Variants in EIF2B3 observed in about 807,000 individuals in gnomAD.
EIF2B3 encodes the protein eukaryotic translation initiation factor 2B subunit gamma.
Under a neutral mutation model 54.1 loss-of-function variants are expected in EIF2B3, and 20 were observed. The observed-to-expected ratio is 0.37, with a 90% CI of 0.26 to 0.54. EIF2B3 has a LOEUF of 0.54. Ranked by LOEUF, EIF2B3 falls within the 20% of genes least tolerant of loss-of-function variation. The pLI, the probability that EIF2B3 is intolerant of heterozygous loss-of-function variation, is 0.86. For synonymous variants in EIF2B3, 153 were observed against 188.1 expected (o/e 0.81, Z 1.52); for missense variants, 448 against 547.8 (o/e 0.82, Z 1.82).
chr1:44,917,906 TGGGACTACA>T (rs1643659180), intron 5 of EIF2B3, among the ~76,000 whole-genome samples: 2 of 150,304 alleles, frequency 1.3e-5, no homozygotes, highest in African/African-American at 4.9e-5. Context: ...CCTGAGTAGC[TGGGACTACA>T]GGCGCCTGCC....
chr1:44,934,366 C>G (rs1027910872), intron 4 of EIF2B3, among the ~76,000 whole-genome samples: 3 of 152,028 alleles, frequency 2.0e-5, no homozygotes, highest in African/African-American at 7.2e-5. Context: ...CCACTGCGAT[C>G]TAGCCTGGGT....
intron 11 of EIF2B3, 136 bp from the exon 12 acceptor site, chr1:44,851,139 A>G: frequency 1.3e-6 from 1 of 792,608 alleles, no homozygotes; most frequent in Non-Finnish European, 2.1e-6. Flanking sequence ...ATCTCGGCTT[A>G]CTGCAACCTC....
chr1:44,957,624 GGTGGCAT>G (rs1447014907), intron 3 of EIF2B3, among the ~76,000 whole-genome samples: 3 of 152,064 alleles, frequency 2.0e-5, no homozygotes, highest in African/African-American at 7.2e-5. Flanking sequence ...AGCTGGGCGT[GGTGGCAT>G]GTGCCTGTAA....
At chr1:44,924,311 C>G (rs1427555679) in intron 5 of EIF2B3, among the ~76,000 whole-genome samples, 3 of 152,070 alleles carry the variant, frequency 2.0e-5, no homozygotes, top group African/African-American at 7.2e-5. Flanking sequence ...TCCTCTTTGT[C>G]AATAATTTGA....
chr1:44,871,089 C>T (rs557830980), intron 10 of EIF2B3, among the ~76,000 whole-genome samples: 1 of 152,328 alleles, frequency 6.6e-6, no homozygotes, highest in South Asian at 2.1e-4. Flanking sequence ...ATACTCTTCC[C>T]ATCTCCCAGC....
At chr1:44,902,300 C>T (rs1048172866) in intron 5 of EIF2B3, among the ~76,000 whole-genome samples, 4 of 151,966 alleles carry the variant, frequency 2.6e-5, no homozygotes. Flanking sequence ...CTTTGTATTT[C>T]CATATAACTT....
At chr1:44,906,731 C>T (rs1643419794) in intron 5 of EIF2B3, among the ~76,000 whole-genome samples, 1 of 152,222 alleles carries the variant, frequency 6.6e-6, no homozygotes, top group East Asian at 1.9e-4. Flanking sequence ...CTAGCTCAGA[C>T]ATTCCCCACC....
intron 4 of EIF2B3, among the ~76,000 whole-genome samples, chr1:44,932,735 TAAAAC>T (rs112856646): frequency 0.14 from 20,973 of 151,682 alleles, 1,620 homozygotes; most frequent in Non-Finnish European, 0.17. Context: ...TAGAAGACAG[TAAAAC>T]AAAACAAAAC....
rs777168660 is a variant in EIF2B3, at chr1:44,851,038, T to A, written c.1307-35A>T. 2.5e-6 allele frequency: 4 copies of A among 1,606,054 alleles called. No homozygotes were observed. The South Asian group carries it at 4.4e-5, about 18-fold the overall frequency. On this transcript the variant is annotated intron_variant, in intron 11 of 11. Coordinates refer to ENST00000360403, the MANE Select transcript of EIF2B3 (RefSeq NM_020365.5). ...AAAAGGAAAAAAGTTTTCTGAGAAC[T>A]GGCAGCAAGATGACATTTCAAACCC...
chr1:44,888,961 T>C (rs561245200), intron 6 of EIF2B3, among the ~76,000 whole-genome samples: 1 of 152,302 alleles, frequency 6.6e-6, no homozygotes, highest in East Asian at 1.9e-4. Context: ...CTGGGAACAG[T>C]GGGAAGAGCA....
rs776955130 is a variant in EIF2B3, at chr1:44,850,728, G to A, written c.*223C>T. 1.7e-6 allele frequency: 1 copy of A among 598,138 alleles called. No individual in the cohort carries two copies. Among genetic ancestry groups the A allele is most frequent in the Non-Finnish European group, 3.0e-6 (1 of 336,338 alleles). 37.1% of individuals were successfully genotyped at this position (598,138 alleles called of 1,614,324 possible). On this transcript the variant is annotated 3_prime_UTR_variant, in exon 12 of 12. Coordinates refer to ENST00000360403, the MANE Select transcript of EIF2B3 (RefSeq NM_020365.5). ...AGAGTTAGGCCACTGTATCTGTCCT[G>A]TCCCACACACTTGCTCCAGATGATC...
intron 10 of EIF2B3, among the ~76,000 whole-genome samples, chr1:44,871,365 A>G (rs1362134650): frequency 2.0e-5 from 3 of 152,172 alleles, no homozygotes; most frequent in South Asian, 4.1e-4. Context: ...GTTCAGGCCA[A>G]CCTTCCTAAT....
intron 5 of EIF2B3, among the ~76,000 whole-genome samples, chr1:44,901,550 C>CTT (rs36059931): frequency 3.1e-4 from 35 of 111,566 alleles, no homozygotes; most frequent in Admixed American, 7.7e-4. Context: ...TGGGCCTGGC[C>CTT]TTTTTTTTTT....
At chr1:44,921,793 T>C (rs901770707) in intron 5 of EIF2B3, among the ~76,000 whole-genome samples, 2 of 152,194 alleles carry the variant, frequency 1.3e-5, no homozygotes, top group African/African-American at 4.8e-5. Context: ...ACCAAAGCTC[T>C]GTAGTATAAT....
At chr1:44,888,409 CCAGAAACGGGA>C (rs1477941672) in intron 6 of EIF2B3, among the ~76,000 whole-genome samples, 1 of 151,696 alleles carries the variant, frequency 6.6e-6, no homozygotes, top group Non-Finnish European at 1.5e-5. Flanking sequence ...GAAGGGGAAC[CCAGAAACGGGA>C]CATGCCGGCA....
chr1:44,879,667 T>C, intron 8 of EIF2B3, 151 bp downstream of exon 8: 2 of 866,390 alleles, frequency 2.3e-6, no homozygotes, highest in Non-Finnish European at 3.7e-6. Context: ...CTGAGTACCC[T>C]AGTAGTCTCC....
At chr1:44,868,710 G>C (rs1332055574) in intron 10 of EIF2B3, among the ~76,000 whole-genome samples, 1 of 152,112 alleles carries the variant, frequency 6.6e-6, no homozygotes, top group Non-Finnish European at 1.5e-5. Flanking sequence ...GTCTTCCTTG[G>C]AAGGTCTGAG....
At chr1:44,859,747 ACT>A (rs965165582) in intron 10 of EIF2B3, among the ~76,000 whole-genome samples, 3 of 152,046 alleles carry the variant, frequency 2.0e-5, no homozygotes, top group African/African-American at 4.8e-5. Context: ...CTAAATAAAT[ACT>A]CTCTGTACAT....
intron 5 of EIF2B3, among the ~76,000 whole-genome samples, chr1:44,907,536 G>A (rs1026479656): frequency 1.3e-5 from 2 of 150,980 alleles, no homozygotes; most frequent in Non-Finnish European, 2.9e-5. Context: ...CCAGCCTGGC[G>A]ACAGAGCAAA....
Sources: allele counts gnomAD v4.1 joint callset (sites outside exome capture counted in the v4.1 genomes callset), GRCh38; gene constraint gnomAD v4.1.1; transcripts MANE v1.5; gene names NCBI Gene and HGNC (gene_info 2026-07-23, HGNC 2026-07-21).